Variants in SLC8B1 observed in about 807,000 individuals in gnomAD.
SLC8B1 encodes the protein mitochondrial sodium/calcium exchanger protein.
In SLC8B1, 52 loss-of-function variants were observed where a neutral mutation model predicts 63.4. The ratio of observed to expected loss-of-function variants is 0.82; its 90% CI spans 0.66 to 1.03. The LOEUF (loss-of-function observed/expected upper bound fraction) is 1.03. Among genes scored for constraint, SLC8B1 ranks in the 50% least tolerant of loss-of-function variants. The pLI, the probability that SLC8B1 is intolerant of heterozygous loss-of-function variation, is 0.00. For synonymous variants in SLC8B1, 336 were observed against 323.9 expected (o/e 1.04, Z -0.40); for missense variants, 657 against 741.7 (o/e 0.89, Z 1.33).
Position 113,326,675 on chromosome 12 carries a change from TTCTC to T in SLC8B1, c.157-5331_157-5328del, listed in dbSNP as rs536680715. Reference sequence around the variant, plus strand: ...GAGCACTGTGACTGGCCTCTTTTCTTTCTCTCTCTTTTTTTTTTTTTGAGACAAG... The same window carrying T: ...GAGCACTGTGACTGGCCTCTTTTCTTTCTCTTTTTTTTTTTTTGAGACAAG... On this transcript the variant is annotated intron_variant, in intron 2 of 15. Coordinates refer to ENST00000680972, the MANE Select transcript of SLC8B1 (RefSeq NM_001358345.2). 4.3e-3 allele frequency among the ~76,000 whole-genome samples: 639 copies of T among 147,502 alleles called. 3 individuals are homozygous for T. Among genetic ancestry groups the T allele is most frequent in the South Asian group, 0.034 (160 of 4,698 alleles).
intron 8 of SLC8B1, 61 bp downstream of exon 8, chr12:113,318,903 G>A: frequency 4.4e-6 from 6 of 1,362,614 alleles, no homozygotes; most frequent in Non-Finnish European, 6.3e-6. Context: ...GGGCAGCACT[G>A]AAGGGCACAG....
In SLC8B1 at chr12:113,334,436, TCCTTA is replaced by T. The variant is rs1170959805; in HGVS notation, c.-83+2_-83+6del. 6.6e-6 allele frequency: 1 copy of T among 152,076 alleles called. No homozygotes were observed. Among genetic ancestry groups the T allele is most frequent in the African/African-American group, 2.4e-5 (1 of 41,404 alleles). The allele number at this position is 152,076 out of a possible 1,614,324, so 9.4% of individuals were successfully genotyped here. On this transcript the variant is annotated splice_donor_variant and splice_donor_5th_base_variant and intron_variant, in intron 1 of 15. Transcript: ENST00000680972. LOFTEE classifies it low-confidence loss of function (5UTR_SPLICE). ...AGAAAGGCGCCTGTCCCAGCCAGGT[TCCTTA>T]CCTGTCCACGGAAGACACGGCCCTT...
chr12:113,332,348 T>G (rs1368288098), intron 2 of SLC8B1, among the ~76,000 whole-genome samples: 1 of 152,188 alleles, frequency 6.6e-6, no homozygotes, highest in Non-Finnish European at 1.5e-5. Flanking sequence ...CCTGGCTCAC[T>G]GCAACATCCA....
intron 15 of SLC8B1, among the ~76,000 whole-genome samples, chr12:113,301,768 G>C (rs947742993): frequency 6.6e-6 from 1 of 152,180 alleles, no homozygotes; most frequent in Non-Finnish European, 1.5e-5. Flanking sequence ...GTGGGTACTA[G>C]GATGGACTCC....
intron 10 of SLC8B1, among the ~76,000 whole-genome samples, chr12:113,316,279 G>A (rs2136844033): frequency 6.6e-6 from 1 of 152,136 alleles, no homozygotes; most frequent in East Asian, 1.9e-4. Flanking sequence ...CTACCATAAA[G>A]GTAACATACT....
At position 113,299,378 on chromosome 12, in the gene SLC8B1, GCC is replaced by G; in HGVS notation, c.*397_*398del. On this transcript the variant is annotated 3_prime_UTR_variant, in exon 16 of 16. Transcript: ENST00000680972. The stretch of plus-strand genomic sequence containing the variant: ...TTGTGTCCTGAGAAGGTGCCAGAAG[GCC>G]TGAAGCCCAGGCAAGGGGAACGGGC... 4.2e-6 allele frequency: 1 copy of G among 237,176 alleles called. No homozygotes were observed. Among genetic ancestry groups the G allele is most frequent in the Non-Finnish European group, 8.6e-6 (1 of 116,782 alleles). The allele number at this position is 237,176 out of a possible 1,614,324, so 14.7% of individuals were successfully genotyped here.
Position 113,309,121 on chromosome 12 carries a change from T to C in SLC8B1, c.1257+1113A>G, listed in dbSNP as rs535074304. Among the ~76,000 whole-genome samples, 5 of 152,202 alleles carry C rather than the reference T, an allele frequency of 3.3e-5. No individual in the cohort carries two copies. The East Asian group carries it at 9.7e-4, about 29-fold the overall frequency. On this transcript the variant is annotated intron_variant, in intron 12 of 15. Coordinates refer to ENST00000680972, the MANE Select transcript of SLC8B1 (RefSeq NM_001358345.2). ...CCACCCGTCTCGGCCTCTCAAAGTG[T>C]TGGGATTACAGGCGTGAGCCACCAC...
In SLC8B1 at chr12:113,306,542, C is replaced by T; in HGVS notation, c.1445G>A (p.Gly482Asp). 6.2e-7 allele frequency: 1 copy of T among 1,613,992 alleles called. No homozygotes were observed. The highest frequency in any genetic ancestry group is 8.5e-7 in the Non-Finnish European group (1 of 1,179,972). The stretch of plus-strand genomic sequence containing the variant: ...GGCGGAGAACGCCATCCGTGGGTAG[C>T]CCTGGCGAGCCAGTGTGAAATCCGA... ...AFSDFTLARQGYPRMAFSACF... is the reference protein window; with the variant it reads ...AFSDFTLARQDYPRMAFSACF... Residue 482 changes from glycine (G) to aspartate (D), a missense_variant, in exon 14 of 16, where the codon GGC (glycine) becomes GAC (aspartate). Transcript: ENST00000680972.
At chr12:113,310,136 T>G in intron 12 of SLC8B1, 98 bp downstream of exon 12, 1 of 1,470,128 alleles carries the variant, frequency 6.8e-7, no homozygotes. Context: ...TGACTCCTGA[T>G]CAAACTGGTC....
intron 2 of SLC8B1, among the ~76,000 whole-genome samples, chr12:113,323,080 T>C (rs1045774519): frequency 2.6e-5 from 4 of 152,200 alleles, no homozygotes; most frequent in African/African-American, 9.6e-5. Flanking sequence ...GGGATATTTA[T>C]ACACCAACTC....
chr12:113,326,159 A>G (rs1241627797), intron 2 of SLC8B1, among the ~76,000 whole-genome samples: 1 of 152,202 alleles, frequency 6.6e-6, no homozygotes, highest in Non-Finnish European at 1.5e-5. Flanking sequence ...AGAATTTTCC[A>G]TGACATGTAA....
chr12:113,306,703 G>A (rs1447344271), intron 13 of SLC8B1, 128 bp from the exon 14 acceptor site: 2 of 737,022 alleles, frequency 2.7e-6, no homozygotes, highest in Non-Finnish European at 4.6e-6. Context: ...GTGTGCCTGG[G>A]CACTAGCTGG....
chr12:113,320,595 A>AG lies in SLC8B1; in HGVS notation c.511dup (p.Leu171ProfsTer111), dbSNP rs753451989. On this transcript the variant is annotated frameshift_variant, in exon 6 of 16. Coordinates refer to ENST00000680972, the MANE Select transcript of SLC8B1 (RefSeq NM_001358345.2). LOFTEE classifies it high-confidence loss of function. This position sits in a 1 kb window ranked among gnomAD's most constrained non-coding sequence, Gnocchi z 5.3. ...GCTGCTCTCACCAAACAGTGCCCCA[A>AG]GGGCCAGGCCGGCTGTGTGCGGGTC... is the stretch of plus-strand genomic sequence containing the variant. The AG allele has an allele frequency of 6.2e-6, 10 of 1,613,948 alleles. No individual in the cohort carries two copies. Among genetic ancestry groups the AG allele is most frequent in the Non-Finnish European group, 8.5e-6 (10 of 1,180,022 alleles).
intron 12 of SLC8B1, chr12:113,308,117 C>T (rs988178039): frequency 5.0e-5 from 15 of 299,506 alleles, no homozygotes; most frequent in Non-Finnish European, 7.5e-5. Context: ...GAGGCCGAGG[C>T]GGGCAGATCA....
intron 11 of SLC8B1, 133 bp from the exon 12 acceptor site, chr12:113,310,488 A>C: frequency 2.5e-6 from 3 of 1,192,774 alleles, no homozygotes; most frequent in Non-Finnish European, 3.3e-6. Flanking sequence ...GGGCAGAAAA[A>C]TTTAAAATGC....
intron 11 of SLC8B1, 99 bp downstream of exon 11, chr12:113,315,236 G>A (rs1422790202): frequency 3.9e-6 from 5 of 1,285,292 alleles, no homozygotes; most frequent in Non-Finnish European, 4.1e-6. Context: ...GTTGCAGTGA[G>A]CTGAGATCGT....
In SLC8B1 at chr12:113,306,576, C is replaced by G. The variant is rs982055493; in HGVS notation, c.1412-1G>C. The G allele has an allele frequency of 7.4e-6, 12 of 1,613,930 alleles. No individual in the cohort carries two copies. The highest frequency in any genetic ancestry group is 1.0e-5 in the Non-Finnish European group (12 of 1,179,934). On this transcript the variant is annotated splice_acceptor_variant, in intron 13 of 15. Transcript: ENST00000680972. LOFTEE classifies it high-confidence loss of function. ...GCCAGTGTGAAATCCGAGAAGGCAT[C>G]TGCACAGGAACAAGAGGGGCCTGCA...
rs1956922907 is a variant in SLC8B1 at position 113,321,223 on chromosome 12, G to C, written c.282C>G (p.Ser94Arg). ...AGAGAGTGACAGCCAGAGGGAGGAG[G>C]CTGGGAGGGAAGTGGCAGAAGATGC... Reference protein sequence around the residue: ...LEGIFCHFPPSLLPLAVTLYV... With the variant: ...LEGIFCHFPPRLLPLAVTLYV... Residue 94 changes from serine (S) to arginine (R), a missense_variant, in exon 3 of 16, where the codon AGC becomes AGG. Physicochemically the swap from Ser to Arg is moderately radical, Grantham distance 110. Coordinates refer to ENST00000680972, the MANE Select transcript of SLC8B1 (RefSeq NM_001358345.2). The C allele has an allele frequency of 6.2e-7, 1 of 1,614,052 alleles. No individual in the cohort carries two copies. The highest frequency in any genetic ancestry group is 8.5e-7 in the Non-Finnish European group (1 of 1,180,018).
intron 8 of SLC8B1, among the ~76,000 whole-genome samples, chr12:113,318,359 T>G (rs1484743206): frequency 6.6e-6 from 1 of 151,706 alleles, no homozygotes; most frequent in Non-Finnish European, 1.5e-5. Context: ...CATGTACTCC[T>G]ATGTGTGTTG....
Sources: gnomAD v4.1 joint callset for allele counts (sites outside exome capture counted in the v4.1 genomes callset) on GRCh38, gnomAD v4.1.1 for gene constraint, Gnocchi (gnomAD v3.1) non-coding constraint, MANE v1.5 for transcripts, NCBI Gene and HGNC (gene_info 2026-07-23, HGNC 2026-07-21) for gene names.